TSNARE1: variants seen among roughly 807,000 people sequenced by gnomAD.
TSNARE1 encodes t-SNARE domain containing 1.
In TSNARE1, 49 loss-of-function variants were observed where a neutral mutation model predicts 62.0. The ratio of observed to expected loss-of-function variants is 0.79; its 90% CI spans 0.63 to 1.00. The LOEUF (loss-of-function observed/expected upper bound fraction) is 1.00. Among genes scored for constraint, TSNARE1 ranks in the 50% least tolerant of loss-of-function variants. The probability of loss-of-function intolerance (pLI) is 0.00; values close to 1 mark genes in which losing one functional copy is unlikely to be tolerated. For synonymous variants in TSNARE1, 328 were observed against 294.4 expected (o/e 1.11, Z -1.17); for missense variants, 755 against 700.1 (o/e 1.08, Z -0.88).
At chr8:142,401,122 T>C (rs1349639265) in intron 1 of TSNARE1, among the ~76,000 whole-genome samples, 2 of 152,196 alleles carry the variant, frequency 1.3e-5, no homozygotes, top group Non-Finnish European at 2.9e-5. Context: ...ACCTGGAAGG[T>C]GACTCCCTGA....
chr8:142,321,302 T>G (rs905518851), intron 6 of TSNARE1, among the ~76,000 whole-genome samples: 3 of 152,020 alleles, frequency 2.0e-5, no homozygotes, highest in African/African-American at 7.3e-5. Context: ...AAAATACATT[T>G]TAAACAAACA....
chr8:142,282,803 G>A (rs1395863018), intron 11 of TSNARE1, among the ~76,000 whole-genome samples: 4 of 143,896 alleles, frequency 2.8e-5, no homozygotes, highest in Non-Finnish European at 4.5e-5. Flanking sequence ...GTCTGCCAAT[G>A]AGCAGAGGCG....
At chr8:142,268,011 C>A (rs1025929905) in intron 12 of TSNARE1, among the ~76,000 whole-genome samples, 1 of 152,234 alleles carries the variant, frequency 6.6e-6, no homozygotes, top group Non-Finnish European at 1.5e-5. Context: ...CCTCAGGCCA[C>A]CCCTGGCCCA....
intron 9 of TSNARE1, among the ~76,000 whole-genome samples, chr8:142,303,811 A>G (rs1826187528): frequency 6.6e-6 from 1 of 152,200 alleles, no homozygotes; most frequent in Non-Finnish European, 1.5e-5. Flanking sequence ...CAGGACCAAC[A>G]GCCACAGCAA....
chr8:142,252,107 C>T (rs901181482), intron 12 of TSNARE1, among the ~76,000 whole-genome samples: 6 of 152,074 alleles, frequency 3.9e-5, no homozygotes, highest in Non-Finnish European at 5.9e-5. Context: ...ATCTGCAGGG[C>T]CCGGGCACCA....
At chr8:142,253,151 G>T (rs375734325) in intron 12 of TSNARE1, among the ~76,000 whole-genome samples, 191 of 152,342 alleles carry the variant, frequency 1.3e-3, no homozygotes, top group Non-Finnish European at 2.1e-3. Flanking sequence ...ACGGGTGAGA[G>T]TGCGGAGGTG....
chr8:142,386,022 A>ATCCTTC (rs1268999937), intron 1 of TSNARE1, among the ~76,000 whole-genome samples: 1 of 152,000 alleles, frequency 6.6e-6, no homozygotes, highest in Non-Finnish European at 1.5e-5. Context: ...GGGCCAGCAA[A>ATCCTTC]TCCTTCTCAC....
At chr8:142,333,464 C>T (rs1204914380) in intron 4 of TSNARE1, among the ~76,000 whole-genome samples, 2 of 152,208 alleles carry the variant, frequency 1.3e-5, no homozygotes, top group Non-Finnish European at 2.9e-5. Context: ...GGTCTACAAA[C>T]AGGTGTGAGG....
chr8:142,343,674 T>G (rs1373737695), intron 4 of TSNARE1, among the ~76,000 whole-genome samples: 5 of 149,366 alleles, frequency 3.3e-5, no homozygotes, highest in Non-Finnish European at 7.4e-5. Flanking sequence ...GACGGGTGGA[T>G]GCACAGATGA....
intron 2 of TSNARE1, among the ~76,000 whole-genome samples, chr8:142,352,760 G>A (rs1834270903): frequency 6.6e-6 from 1 of 152,200 alleles, no homozygotes; most frequent in Non-Finnish European, 1.5e-5. Context: ...ACACGCATAA[G>A]CAAAACCGTG....
chr8:142,238,162 C>T (rs1256572329), intron 12 of TSNARE1, among the ~76,000 whole-genome samples: 4 of 152,072 alleles, frequency 2.6e-5, no homozygotes, highest in African/African-American at 7.2e-5. Flanking sequence ...AGAAGGAGTG[C>T]CGTCTGTCTC....
In TSNARE1 at chr8:142,310,427, G is replaced by A. The variant is rs373160444; in HGVS notation, c.1131+3957C>T. 5.8e-4 allele frequency among the ~76,000 whole-genome samples: 88 copies of A among 151,402 alleles called. No homozygotes were observed. In the Middle Eastern group the frequency reaches 0.02, roughly 35 times the overall value. On this transcript the variant is annotated intron_variant, in intron 9 of 13. Coordinates refer to ENST00000524325, the MANE Select transcript of TSNARE1 (RefSeq NM_145003.5). Reference sequence around the variant, plus strand: ...TTCCACCGTCGACGTTAACCTGGGCGCAGCCACATCAACTGTTTCCATTGT... The same window carrying A: ...TTCCACCGTCGACGTTAACCTGGGCACAGCCACATCAACTGTTTCCATTGT...
intron 9 of TSNARE1, among the ~76,000 whole-genome samples, chr8:142,313,541 G>C (rs1322072926): frequency 6.6e-6 from 1 of 152,060 alleles, no homozygotes; most frequent in Non-Finnish European, 1.5e-5. Context: ...GCATGGGTCT[G>C]CATGTCTGTT....
chr8:142,370,226 T>C (rs1416082055), intron 1 of TSNARE1, among the ~76,000 whole-genome samples: 1 of 152,162 alleles, frequency 6.6e-6, no homozygotes, highest in African/African-American at 2.4e-5. Context: ...TATGGTATTC[T>C]GCTATAGCAG....
intron 12 of TSNARE1, among the ~76,000 whole-genome samples, chr8:142,261,035 A>AAGAGGGAG (rs1563786793): frequency 9.8e-5 from 1 of 10,254 alleles, no homozygotes; most frequent in African/African-American, 3.4e-4. Flanking sequence ...GAGGAGAGAA[A>AAGAGGGAG]GAGGAGGGAG....
intron 1 of TSNARE1, among the ~76,000 whole-genome samples, chr8:142,380,311 C>G (rs574851274): frequency 6.6e-6 from 1 of 152,252 alleles, no homozygotes; most frequent in East Asian, 1.9e-4. Context: ...GGCCAACGGC[C>G]CCTTCCTCCT....
At chr8:142,295,383 G>A (rs1824509336) in intron 10 of TSNARE1, among the ~76,000 whole-genome samples, 1 of 152,212 alleles carries the variant, frequency 6.6e-6, no homozygotes, top group South Asian at 2.1e-4. Context: ...CCTCCCTGGA[G>A]GGAGCTTGTG....
intron 12 of TSNARE1, among the ~76,000 whole-genome samples, chr8:142,265,729 C>A (rs1302932871): frequency 6.6e-6 from 1 of 152,224 alleles, no homozygotes; most frequent in African/African-American, 2.4e-5. Flanking sequence ...CATGAGCGAG[C>A]CATTTCTCCT....
intron 7 of TSNARE1, among the ~76,000 whole-genome samples, chr8:142,315,707 C>T (rs182082500): frequency 4.8e-4 from 73 of 152,340 alleles, no homozygotes; most frequent in Non-Finnish European, 8.2e-4. Flanking sequence ...TCACCGTGGA[C>T]ACCACCCACC....
Sources: gnomAD v4.1 joint callset for allele counts (sites outside exome capture counted in the v4.1 genomes callset) on GRCh38, gnomAD v4.1.1 for gene constraint, MANE v1.5 for transcripts, NCBI Gene and HGNC (gene_info 2026-07-23, HGNC 2026-07-21) for gene names.